Variants in XKR4 observed in about 807,000 individuals in gnomAD.
The protein encoded by XKR4 is XK-related protein 4.
In XKR4, 12 loss-of-function variants were observed where a neutral mutation model predicts 53.9. That is an observed-to-expected ratio of 0.22 (90% CI 0.14 to 0.36). The LOEUF is 0.36. Ranked by LOEUF, XKR4 falls within the 10% of genes least tolerant of loss-of-function variation. XKR4 has a pLI of 1.00. For synonymous variants in XKR4, 354 were observed against 362.4 expected, an observed-to-expected ratio of 0.98 and a Z score of 0.26; for missense variants, 799 against 859.5, an observed-to-expected ratio of 0.93 and a Z score of 0.88.
intron 1 of XKR4, among the ~76,000 whole-genome samples, chr8:55,325,406 T>C (rs1803277942): frequency 2.0e-5 from 3 of 152,158 alleles, no homozygotes. Context: ...CTCTTGAATT[T>C]CCAAGCAGGG....
chr8:55,382,545 A>G (rs1408210953), intron 2 of XKR4, among the ~76,000 whole-genome samples: 6 of 152,176 alleles, frequency 3.9e-5, no homozygotes, highest in Non-Finnish European at 7.4e-5. Context: ...TAAAGGAAGG[A>G]GAAAGGGAGG....
chr8:55,204,017 T>C (rs1489587734), intron 1 of XKR4, among the ~76,000 whole-genome samples: 3 of 152,142 alleles, frequency 2.0e-5, no homozygotes. Context: ...TTGTTTTTTG[T>C]TTGTTCGTTT....
intron 1 of XKR4, among the ~76,000 whole-genome samples, chr8:55,184,221 A>G (rs748231612): frequency 1.4e-4 from 22 of 152,134 alleles, no homozygotes; most frequent in Admixed American, 3.9e-4. Context: ...CCCCAGATGC[A>G]TCTTGGTTGG....
At chr8:55,109,398 T>G (rs985103181) in intron 1 of XKR4, among the ~76,000 whole-genome samples, 11 of 152,214 alleles carry the variant, frequency 7.2e-5, no homozygotes, top group Non-Finnish European at 1.6e-4. Flanking sequence ...ACACTATAAT[T>G]GTGCCACTTT....
chr8:55,344,591 A>G (rs1803607783), intron 1 of XKR4, among the ~76,000 whole-genome samples: 1 of 152,206 alleles, frequency 6.6e-6, no homozygotes, highest in Non-Finnish European at 1.5e-5. Flanking sequence ...TCTCCATTTG[A>G]ATACACATTT....
chr8:55,167,605 A>G (rs1173859421), intron 1 of XKR4, among the ~76,000 whole-genome samples: 1 of 152,196 alleles, frequency 6.6e-6, no homozygotes, highest in African/African-American at 2.4e-5. Flanking sequence ...ACTGAGATTC[A>G]GTAGTTTATC....
At chr8:55,479,742 A>T (rs1806068134) in intron 2 of XKR4, among the ~76,000 whole-genome samples, 1 of 152,224 alleles carries the variant, frequency 6.6e-6, no homozygotes, top group African/African-American at 2.4e-5. Context: ...ACAGAAATAC[A>T]AACTACCATC....
At chr8:55,137,432 TAGC>T (rs1011747629) in intron 1 of XKR4, among the ~76,000 whole-genome samples, 119 of 152,314 alleles carry the variant, frequency 7.8e-4, no homozygotes, top group African/African-American at 2.7e-3. Flanking sequence ...ATCTAAAGAA[TAGC>T]AGGTTTCCTC....
intron 2 of XKR4, among the ~76,000 whole-genome samples, chr8:55,520,639 G>T (rs929530642): frequency 2.6e-5 from 4 of 152,216 alleles, no homozygotes; most frequent in African/African-American, 7.2e-5. Context: ...CTAAAGCAGA[G>T]AATTCATAAA....
intron 1 of XKR4, among the ~76,000 whole-genome samples, chr8:55,104,727 T>A (rs974458879): frequency 9.6e-5 from 9 of 93,762 alleles, no homozygotes; most frequent in African/African-American, 3.6e-4. Flanking sequence ...TGATATGTAG[T>A]CAGACAAATT....
At chr8:55,197,917 TG>T (rs1159140788) in intron 1 of XKR4, among the ~76,000 whole-genome samples, 1 of 152,198 alleles carries the variant, frequency 6.6e-6, no homozygotes, top group African/African-American at 2.4e-5. Flanking sequence ...AAATTTTCAC[TG>T]AAGTTGTGCC....
intron 1 of XKR4, among the ~76,000 whole-genome samples, chr8:55,129,405 TGAG>T (rs1233372342): frequency 6.6e-6 from 1 of 152,218 alleles, no homozygotes; most frequent in Non-Finnish European, 1.5e-5. Flanking sequence ...AACCTCCTGA[TGAG>T]GAGAGGTGGG....
At position 55,460,010 on chromosome 8, in the gene XKR4, T is replaced by TG. The variant is rs1805629322; in HGVS notation, c.1007-63270dup. Among the ~76,000 whole-genome samples, 4 of 102,908 alleles carry TG rather than the reference T, an allele frequency of 3.9e-5. No individual in the cohort carries two copies. In the South Asian group the frequency reaches 1.0e-3, roughly 27 times the overall value. The allele number at this position is 102,908 out of a possible 152,430, so 67.5% of individuals were successfully genotyped here. A position where few individuals can be genotyped will look rare whatever the true frequency, so the allele number is the denominator to read the frequency against. On this transcript the variant is annotated intron_variant, in intron 2 of 2. Coordinates refer to ENST00000327381, the MANE Select transcript of XKR4 (RefSeq NM_052898.2). ...AGAATTATTCATAATAGCCAAATGC[T>TG]GAAAAAAAAAAAAACCAAATGTCCA...
chr8:55,112,587 T>TTTC, intron 1 of XKR4, among the ~76,000 whole-genome samples: 1 of 146,702 alleles, frequency 6.8e-6, no homozygotes, highest in Admixed American at 6.9e-5. Flanking sequence ...TTTTTTTTTT[T>TTTC]TAGGGAGCAG....
At chr8:55,452,666 ACT>A in intron 2 of XKR4, 2 of 1,432,320 alleles carry the variant, frequency 1.4e-6, no homozygotes, top group Non-Finnish European at 2.0e-6. Context: ...TGGTGACCCC[ACT>A]CTCTGTGCAG....
chr8:55,352,732 A>ATAT (rs1340241654), intron 1 of XKR4, among the ~76,000 whole-genome samples: 1 of 152,228 alleles, frequency 6.6e-6, no homozygotes, highest in African/African-American at 2.4e-5. Context: ...AAAGATGGAC[A>ATAT]TATTAAGGCA....
intron 2 of XKR4, among the ~76,000 whole-genome samples, chr8:55,432,653 A>G (rs1805119021): frequency 6.6e-6 from 1 of 152,256 alleles, no homozygotes; most frequent in South Asian, 2.1e-4. Flanking sequence ...TGAGGTTTGC[A>G]GAAAATTCCA....
At chr8:55,187,302 GACCAA>G (rs1817391204) in intron 1 of XKR4, among the ~76,000 whole-genome samples, 1 of 62,066 alleles carries the variant, frequency 1.6e-5, no homozygotes, top group Admixed American at 2.0e-4. Flanking sequence ...CTGTTTCCAG[GACCAA>G]AAAAAAAAAA....
chr8:55,148,734 A>T (rs1816804207), intron 1 of XKR4, among the ~76,000 whole-genome samples: 1 of 152,190 alleles, frequency 6.6e-6, no homozygotes, highest in East Asian at 1.9e-4. Context: ...TTAAACAATT[A>T]ACAGCCAACT....
Sources: allele counts gnomAD v4.1 joint callset (sites outside exome capture counted in the v4.1 genomes callset), GRCh38; gene constraint gnomAD v4.1.1; transcripts MANE v1.5; gene names NCBI Gene and HGNC (gene_info 2026-07-23, HGNC 2026-07-21).